The following MAST4 variants were observed in gnomAD, a reference collection of about 807,000 sequenced individuals.
The protein encoded by MAST4 is microtubule-associated serine/threonine-protein kinase 4.
Under a neutral mutation model 162.7 loss-of-function variants are expected in MAST4, and 89 were observed. That is an observed-to-expected ratio of 0.55 (90% confidence interval 0.46 to 0.65). The LOEUF (loss-of-function observed/expected upper bound fraction) is 0.65. Among genes scored for constraint, MAST4 ranks in the 30% least tolerant of loss-of-function variants. MAST4 has a pLI of 0.00. For missense variants in MAST4, 3,153 were observed against 3,374.0 expected (o/e 0.93, Z 1.62); for synonymous variants, 1,479 against 1,361.1 (o/e 1.09, Z -1.91).
chr5:66,605,975 T>C (rs1275108285), intron 1 of MAST4, among the ~76,000 whole-genome samples: 2 of 152,230 alleles, frequency 1.3e-5, no homozygotes, highest in Non-Finnish European at 2.9e-5. Context: ...GGAACAGTTA[T>C]GCTAGTAGAG....
chr5:67,099,825 ATT>A (rs1764836896), intron 7 of MAST4, among the ~76,000 whole-genome samples: 1 of 148,826 alleles, frequency 6.7e-6, no homozygotes, highest in African/African-American at 2.5e-5. Context: ...TTTTTTTTTT[ATT>A]TTAAGTTATA....
At chr5:66,942,231 T>C (rs993080742) in intron 4 of MAST4, among the ~76,000 whole-genome samples, 2 of 152,112 alleles carry the variant, frequency 1.3e-5, no homozygotes, top group African/African-American at 4.8e-5. Flanking sequence ...GGTATGTCTA[T>C]TCTGAAAAAT....
chr5:66,900,037 G>A, intron 4 of MAST4, 55 bp downstream of exon 4: 1 of 1,232,774 alleles, frequency 8.1e-7, no homozygotes, highest in Non-Finnish European at 1.1e-6. Flanking sequence ...ATAGTTTATA[G>A]TATGATTCTT....
Position 66,720,713 on chromosome 5 carries a change from T to G in MAST4, c.364-38996T>G, listed in dbSNP as rs560562633. On this transcript the variant is annotated intron_variant, in intron 1 of 28. Transcript: ENST00000403625. Reference sequence around the variant, plus strand: ...ATTTCTGCTTTTATCTTTTTAATGATTCTTTCTTTTGTTTCCCTGAAGTTT... The same window carrying G: ...ATTTCTGCTTTTATCTTTTTAATGAGTCTTTCTTTTGTTTCCCTGAAGTTT... 2.6e-5 allele frequency among the ~76,000 whole-genome samples: 4 copies of G among 152,326 alleles called. No homozygotes were observed. In the East Asian group the frequency reaches 7.7e-4, roughly 29 times the overall value.
intron 23 of MAST4, 76 bp from the exon 24 acceptor site, chr5:67,149,313 G>C: frequency 1.5e-6 from 2 of 1,336,374 alleles, no homozygotes; most frequent in Non-Finnish European, 2.1e-6. Flanking sequence ...TCTTCCTGCT[G>C]TCTCTCTCTT....
intron 4 of MAST4, among the ~76,000 whole-genome samples, chr5:66,905,204 G>A (rs766189981): frequency 1.5e-4 from 23 of 151,810 alleles, no homozygotes; most frequent in Admixed American, 5.2e-4. Flanking sequence ...CTACTCTGGA[G>A]GCTGAGGCAG....
chr5:66,954,450 T>A (rs1415134911), intron 4 of MAST4, among the ~76,000 whole-genome samples: 1 of 152,196 alleles, frequency 6.6e-6, no homozygotes, highest in Non-Finnish European at 1.5e-5. Context: ...TTCATTCATT[T>A]TCAGCACATA....
chr5:67,060,137 A>C (rs887161125), intron 5 of MAST4, among the ~76,000 whole-genome samples: 1 of 152,196 alleles, frequency 6.6e-6, no homozygotes, highest in African/African-American at 2.4e-5. Context: ...ACAACTCTTA[A>C]GGACCTTTCT....
chr5:66,690,164 C>T (rs1748945651), intron 1 of MAST4, among the ~76,000 whole-genome samples: 1 of 152,130 alleles, frequency 6.6e-6, no homozygotes, highest in African/African-American at 2.4e-5. Flanking sequence ...TTTTATATCT[C>T]AGTTTTGTCA....
chr5:67,045,261 G>A (rs1757223469), intron 4 of MAST4, among the ~76,000 whole-genome samples: 1 of 152,172 alleles, frequency 6.6e-6, no homozygotes, highest in African/African-American at 2.4e-5. Context: ...CTCCTAGGTT[G>A]TAAGCTTCGT....
At chr5:66,615,625 GC>G (rs1329331507) in intron 1 of MAST4, among the ~76,000 whole-genome samples, 4 of 149,478 alleles carry the variant, frequency 2.7e-5, no homozygotes, top group African/African-American at 1.0e-4. Context: ...GACCAGCTGG[GC>G]AACATAGTAA....
At chr5:66,855,648 A>T (rs1162109223) in intron 3 of MAST4, among the ~76,000 whole-genome samples, 2 of 152,112 alleles carry the variant, frequency 1.3e-5, no homozygotes, top group Non-Finnish European at 2.9e-5. Flanking sequence ...ATGTCATTTG[A>T]CTGACACCTC....
At chr5:66,717,082 A>G (rs75733939) in intron 1 of MAST4, among the ~76,000 whole-genome samples, 9 of 152,178 alleles carry the variant, frequency 5.9e-5, no homozygotes, top group African/African-American at 1.9e-4. Flanking sequence ...GGCACACTGG[A>G]CCCTGAAGAG....
At chr5:67,160,346 T>G in intron 26 of MAST4, 110 bp from the exon 27 acceptor site, 1 of 1,158,530 alleles carries the variant, frequency 8.6e-7, no homozygotes, top group Non-Finnish European at 1.2e-6. Context: ...CAGAAGGCCT[T>G]TTATATGTAT....
At chr5:67,062,262 G>A (rs1288853478) in intron 5 of MAST4, among the ~76,000 whole-genome samples, 1 of 152,120 alleles carries the variant, frequency 6.6e-6, no homozygotes, top group Non-Finnish European at 1.5e-5. Context: ...GCCGGGCGTG[G>A]TGGCACATAC....
chr5:66,904,676 G>T (rs571239368), intron 4 of MAST4, among the ~76,000 whole-genome samples: 2 of 147,558 alleles, frequency 1.4e-5, no homozygotes, highest in South Asian at 4.4e-4. Flanking sequence ...TTGATTGCTT[G>T]CTTGCTTGAT....
intron 1 of MAST4, among the ~76,000 whole-genome samples, chr5:66,746,683 C>T (rs1287762806): frequency 6.6e-6 from 1 of 152,108 alleles, no homozygotes; most frequent in Non-Finnish European, 1.5e-5. Flanking sequence ...AGTTATGTTG[C>T]TGATGGGGAC....
chr5:66,980,074 T>A (rs1748598113), intron 4 of MAST4, among the ~76,000 whole-genome samples: 1 of 152,206 alleles, frequency 6.6e-6, no homozygotes, highest in Non-Finnish European at 1.5e-5. Context: ...ACTTGCTGGA[T>A]GCAAAATTCT....
intron 10 of MAST4, among the ~76,000 whole-genome samples, chr5:67,105,120 T>G (rs1405087887): frequency 6.6e-6 from 1 of 152,170 alleles, no homozygotes. Flanking sequence ...GCCTAACACT[T>G]GCATGCCTAG....
Sources: allele counts gnomAD v4.1 joint callset (sites outside exome capture counted in the v4.1 genomes callset), GRCh38; gene constraint gnomAD v4.1.1; transcripts MANE v1.5; gene names NCBI Gene and HGNC (gene_info 2026-07-23, HGNC 2026-07-21).